COL21A1: variants seen among roughly 807,000 people sequenced by gnomAD.
COL21A1 encodes the protein collagen type XXI alpha 1 chain.
In COL21A1, 149 loss-of-function variants were observed where a neutral mutation model predicts 137.9. That is an observed-to-expected ratio of 1.08 (90% CI 0.95 to 1.24). The LOEUF (loss-of-function observed/expected upper bound fraction) is 1.24, where lower values mean the gene tolerates loss of function less well. Among genes scored for constraint, COL21A1 ranks in the 50% most tolerant of loss-of-function variants. COL21A1 has a pLI of 0.00. For synonymous variants in COL21A1, 456 were observed against 391.5 expected (o/e 1.16, Z -1.95); for missense variants, 1,167 against 1,158.4 (o/e 1.01, Z -0.11).
intron 11 of COL21A1, 41 bp from the exon 12 acceptor site, chr6:56,141,879 TTAG>T: frequency 6.2e-7 from 1 of 1,606,408 alleles, no homozygotes; most frequent in Non-Finnish European, 8.5e-7. Flanking sequence ...ATTATCGGTT[TTAG>T]TTCACTAAAA....
chr6:56,215,988 T>C (rs1780457742), intron 1 of COL21A1, among the ~76,000 whole-genome samples: 1 of 152,086 alleles, frequency 6.6e-6, no homozygotes, highest in Non-Finnish European at 1.5e-5. Flanking sequence ...TTAAAGCCAA[T>C]AATTCTCTAA....
intron 3 of COL21A1, among the ~76,000 whole-genome samples, chr6:56,173,725 T>C (rs578198780): frequency 6.6e-6 from 1 of 152,052 alleles, no homozygotes; most frequent in Non-Finnish European, 1.5e-5. Flanking sequence ...TATACAGAAC[T>C]GAAGGGAGAA....
At chr6:56,213,123 T>C (rs1780278633) in intron 1 of COL21A1, among the ~76,000 whole-genome samples, 1 of 152,148 alleles carries the variant, frequency 6.6e-6, no homozygotes, top group Admixed American at 6.6e-5. Context: ...TTTGCACGTA[T>C]TCCTTTGGTT....
At chr6:56,260,352 G>A (rs1355422072) in intron 1 of COL21A1, among the ~76,000 whole-genome samples, 1 of 151,890 alleles carries the variant, frequency 6.6e-6, no homozygotes, top group Non-Finnish European at 1.5e-5. Flanking sequence ...GGGAGCAGAG[G>A]CAGGTAGATC....
chr6:56,156,154 A>G (rs1377616474), intron 10 of COL21A1, among the ~76,000 whole-genome samples: 1 of 152,218 alleles, frequency 6.6e-6, no homozygotes, highest in Non-Finnish European at 1.5e-5. Context: ...AAAAGACAAT[A>G]GAATTTCTAA....
At chr6:56,075,071 TCTGTTTTAGGAG>T (rs900527852) in intron 19 of COL21A1, among the ~76,000 whole-genome samples, 2 of 151,376 alleles carry the variant, frequency 1.3e-5, no homozygotes, top group African/African-American at 4.8e-5. Context: ...AATAATTTAC[TCTGTTTTAGGAG>T]CTTCCCATAC....
At chr6:56,277,299 C>T (rs1427725648) in intron 1 of COL21A1, among the ~76,000 whole-genome samples, 4 of 152,186 alleles carry the variant, frequency 2.6e-5, no homozygotes, top group Admixed American at 6.5e-5. Flanking sequence ...CCCCACTCCC[C>T]TCAACCCACG....
chr6:56,393,626 A>G (rs1468198480), intron 1 of COL21A1, among the ~76,000 whole-genome samples: 1 of 152,220 alleles, frequency 6.6e-6, no homozygotes, highest in African/African-American at 2.4e-5. Flanking sequence ...ATAGAGATTC[A>G]TGCTGTGAAC....
At chr6:56,080,054 G>A (rs758519761) in intron 17 of COL21A1, among the ~76,000 whole-genome samples, 4 of 151,588 alleles carry the variant, frequency 2.6e-5, no homozygotes, top group Non-Finnish European at 5.9e-5. Flanking sequence ...ATTTTCCTGG[G>A]CTCCCAATAT....
chr6:56,377,962 C>A (rs549943499), intron 1 of COL21A1, among the ~76,000 whole-genome samples: 2 of 152,150 alleles, frequency 1.3e-5, no homozygotes, highest in Non-Finnish European at 2.9e-5. Context: ...CCTAGATACA[C>A]ACTGGGCCAG....
intron 1 of COL21A1, among the ~76,000 whole-genome samples, chr6:56,210,741 C>T (rs1359686096): frequency 6.6e-6 from 1 of 152,010 alleles, no homozygotes; most frequent in African/African-American, 2.4e-5. Context: ...TCTATAGCTA[C>T]CTAAATAAAA....
chr6:56,171,255 C>G, intron 3 of COL21A1, 127 bp from the exon 4 acceptor site: 1 of 531,908 alleles, frequency 1.9e-6, no homozygotes, highest in Non-Finnish European at 3.2e-6. Flanking sequence ...CATATGTATA[C>G]AAATGTATAG....
chr6:56,067,431 C>A (rs1766364488), intron 22 of COL21A1, 101 bp from the exon 23 acceptor site: 2 of 1,019,836 alleles, frequency 2.0e-6, no homozygotes, highest in Non-Finnish European at 3.0e-6. Context: ...ACATCTCGTG[C>A]AAACTCCACA....
intron 1 of COL21A1, among the ~76,000 whole-genome samples, chr6:56,209,514 C>A (rs1422913393): frequency 6.6e-6 from 1 of 151,986 alleles, no homozygotes; most frequent in East Asian, 1.9e-4. Flanking sequence ...TTGCAACCAA[C>A]AAGCATATGA....
At chr6:56,251,294 C>T (rs1389927847), upstream of COL21A1, among the ~76,000 whole-genome samples, 1 of 152,166 alleles carries the variant, frequency 6.6e-6, no homozygotes, top group Non-Finnish European at 1.5e-5. Flanking sequence ...AAATTCTCAA[C>T]TAAATTATAT....
intron 1 of COL21A1, among the ~76,000 whole-genome samples, chr6:56,260,585 A>AAAGAAG (rs70986789): frequency 6.5e-5 from 6 of 91,846 alleles, no homozygotes; most frequent in African/African-American, 1.8e-4. Context: ...AAAAAAAAAG[A>AAAGAAG]AAGAAGAAGA....
At chr6:56,165,954 C>T (rs1332868396) in intron 7 of COL21A1, among the ~76,000 whole-genome samples, 1 of 144,880 alleles carries the variant, frequency 6.9e-6, no homozygotes, top group Non-Finnish European at 1.5e-5. Context: ...ACACTCCATG[C>T]GATGCTATAA....
chr6:56,293,230 A>G (rs1195444965), intron 1 of COL21A1, among the ~76,000 whole-genome samples: 1 of 152,196 alleles, frequency 6.6e-6, no homozygotes, highest in Non-Finnish European at 1.5e-5. Flanking sequence ...AAAAGTGTCA[A>G]TAATTTTGAT....
chr6:56,061,491 T>C (rs1287801881), intron 25 of COL21A1, among the ~76,000 whole-genome samples, 158 bp downstream of exon 25: 2 of 152,176 alleles, frequency 1.3e-5, no homozygotes, highest in Non-Finnish European at 2.9e-5. Context: ...TAAATGTACA[T>C]ATTCTGAAAA....
Sources: allele counts gnomAD v4.1 joint callset (sites outside exome capture counted in the v4.1 genomes callset), GRCh38; gene constraint gnomAD v4.1.1; transcripts MANE v1.5; gene names NCBI Gene and HGNC (gene_info 2026-07-23, HGNC 2026-07-21).